ADGRL4: variants seen among roughly 807,000 people sequenced by gnomAD.
ADGRL4 encodes EGF, latrophilin and seven transmembrane domain containing 1.
In ADGRL4, 90 loss-of-function variants were observed where a neutral mutation model predicts 74.8. The ratio of observed to expected loss-of-function variants is 1.20; its 90% CI spans 1.02 to 1.43. ADGRL4 has a LOEUF of 1.43. Among genes scored for constraint, ADGRL4 ranks in the 40% most tolerant of loss-of-function variants. The pLI is 0.00. For synonymous variants in ADGRL4, 311 were observed against 279.2 expected (o/e 1.11, Z -1.14); for missense variants, 881 against 814.3 (o/e 1.08, Z -1.00).
chr1:78,951,017 A>G (rs1270445641), intron 2 of ADGRL4, among the ~76,000 whole-genome samples: 1 of 152,174 alleles, frequency 6.6e-6, no homozygotes, highest in African/African-American at 2.4e-5. Flanking sequence ...CATGAGAGAA[A>G]GCTCACGACT....
chr1:78,951,518 G>A (rs536717631), intron 2 of ADGRL4, among the ~76,000 whole-genome samples: 1 of 152,168 alleles, frequency 6.6e-6, no homozygotes, highest in Admixed American at 6.5e-5. Context: ...TGTTGTTGAT[G>A]GTTATCTACT....
intron 3 of ADGRL4, among the ~76,000 whole-genome samples, chr1:78,945,177 A>AAATATAT (rs376405445): frequency 6.3e-5 from 8 of 127,936 alleles, no homozygotes; most frequent in African/African-American, 8.8e-5. Flanking sequence ...AAAAAAAAAA[A>AAATATAT]ATATATATAT....
At chr1:78,971,526 C>T (rs1650165936) in intron 2 of ADGRL4, among the ~76,000 whole-genome samples, 1 of 152,064 alleles carries the variant, frequency 6.6e-6, no homozygotes, top group Non-Finnish European at 1.5e-5. Context: ...ATTCAATCGG[C>T]AAGGCAGGAA....
At chr1:78,942,184 A>T in intron 3 of ADGRL4, among the ~76,000 whole-genome samples, 1 of 125,066 alleles carries the variant, frequency 8.0e-6, no homozygotes. Context: ...AAAAAAAAAA[A>T]AAAAAAAAAA....
At chr1:78,905,033 G>A (rs1399577751) in intron 12 of ADGRL4, among the ~76,000 whole-genome samples, 2 of 151,918 alleles carry the variant, frequency 1.3e-5, no homozygotes, top group African/African-American at 4.8e-5. Context: ...GGTTTCAATG[G>A]ACCTGTCAAT....
In ADGRL4 at chr1:78,936,252, C is replaced by A. The variant is rs755953215; in HGVS notation, c.877+43G>T. The A allele has an allele frequency of 3.9e-6, 6 of 1,550,662 alleles. No individual in the cohort carries two copies. In the African/African-American group the frequency reaches 4.2e-5, roughly 11 times the overall value. On this transcript the variant is annotated intron_variant, in intron 7 of 14. Transcript: ENST00000370742. ...TCAAATGCATGATAAATATTTATTG[C>A]AAATTCATTGATATATTGTCTGTTA...
rs557779050 is a variant in ADGRL4, at chr1:78,901,125, A to T, written c.1750-7936T>A. Among the ~76,000 whole-genome samples, 3 of 152,330 alleles carry T rather than the reference A, an allele frequency of 2.0e-5. No homozygotes were observed. In the South Asian group the frequency reaches 6.2e-4, roughly 32 times the overall value. ...ACCAGTATCTTGGTTCCAAATATTA[A>T]TATTAATTCCATGCAATATTTGGGG... On this transcript the variant is annotated intron_variant, in intron 12 of 14. Coordinates refer to ENST00000370742, the MANE Select transcript of ADGRL4 (RefSeq NM_022159.4).
chr1:78,927,471 G>A (rs1283275169), intron 7 of ADGRL4, among the ~76,000 whole-genome samples: 1 of 152,070 alleles, frequency 6.6e-6, no homozygotes, highest in African/African-American at 2.4e-5. Context: ...AACTTAAGAG[G>A]TATTGGGAGG....
chr1:78,969,115 A>G (rs908329342), intron 2 of ADGRL4, among the ~76,000 whole-genome samples: 1 of 152,182 alleles, frequency 6.6e-6, no homozygotes, highest in African/African-American at 2.4e-5. Flanking sequence ...TAATTGAGTA[A>G]GGTATATTCC....
intron 3 of ADGRL4, among the ~76,000 whole-genome samples, chr1:78,940,218 C>T (rs1312553770): frequency 5.9e-5 from 9 of 152,064 alleles, no homozygotes; most frequent in Admixed American, 5.2e-4. Flanking sequence ...AAAAGAGCGA[C>T]CTGATTTCTT....
At chr1:78,973,698 T>G (rs1570265207) in intron 2 of ADGRL4, among the ~76,000 whole-genome samples, 1 of 150,504 alleles carries the variant, frequency 6.6e-6, no homozygotes, top group Admixed American at 6.7e-5. Context: ...GATACAATTT[T>G]TCAGCAAATT....
At chr1:78,993,052 AAAT>A (rs1650639824) in intron 2 of ADGRL4, among the ~76,000 whole-genome samples, 1 of 152,140 alleles carries the variant, frequency 6.6e-6, no homozygotes, top group South Asian at 2.1e-4. Flanking sequence ...AACAGTAGAA[AAAT>A]AATATTTTCT....
chr1:78,925,667 T>C (rs561278574), intron 8 of ADGRL4, among the ~76,000 whole-genome samples: 1 of 152,176 alleles, frequency 6.6e-6, no homozygotes, highest in East Asian at 1.9e-4. Context: ...TCATTACTTA[T>C]TGAATGGAAA....
chr1:78,938,240 C>T lies in ADGRL4; in HGVS notation c.436G>A (p.Val146Ile). The T allele has an allele frequency of 2.5e-6, 4 of 1,606,452 alleles. No individual in the cohort carries two copies. The highest frequency in any genetic ancestry group is 3.4e-6 in the Non-Finnish European group (4 of 1,178,240). Residue 146 changes from valine (V) to isoleucine (I), a missense_variant, in exon 5 of 15, where the codon GTC becomes ATC. Transcript: ENST00000370742. ...AGATCTGTCACAGAATTTCTATAGACTTCTTGTAGCAAAGCCACAGGTTCT... is the reference window on the plus strand; with the variant it reads ...AGATCTGTCACAGAATTTCTATAGATTTCTTGTAGCAAAGCCACAGGTTCT... Reference protein sequence around the residue: ...IKEPVALLQEVYRNSVTDLSP... With the variant: ...IKEPVALLQEIYRNSVTDLSP...
At chr1:78,925,757 G>A (rs970714745) in intron 8 of ADGRL4, among the ~76,000 whole-genome samples, 7 of 151,970 alleles carry the variant, frequency 4.6e-5, no homozygotes, top group African/African-American at 7.2e-5. Flanking sequence ...TTAAATACGC[G>A]TTTTGTTTTG....
At chr1:78,910,409 G>A (rs904866110) in intron 12 of ADGRL4, among the ~76,000 whole-genome samples, 3 of 151,760 alleles carry the variant, frequency 2.0e-5, no homozygotes, top group South Asian at 4.1e-4. Context: ...GGTAAGAGTA[G>A]TGATACAGCA....
chr1:78,993,534 G>A (rs1465821140), intron 2 of ADGRL4, among the ~76,000 whole-genome samples: 1 of 151,214 alleles, frequency 6.6e-6, no homozygotes, highest in African/African-American at 2.4e-5. Context: ...TAATTAAAAA[G>A]AACTTAAAGT....
intron 8 of ADGRL4, among the ~76,000 whole-genome samples, chr1:78,925,742 T>A (rs993829993): frequency 3.9e-5 from 6 of 152,068 alleles, no homozygotes; most frequent in African/African-American, 1.4e-4. Context: ...GTGAAGAGTT[T>A]TTGTTTAAAT....
At chr1:78,917,181 A>G (rs546385189) in intron 12 of ADGRL4, among the ~76,000 whole-genome samples, 27 of 151,990 alleles carry the variant, frequency 1.8e-4, no homozygotes, top group Middle Eastern at 3.4e-3. Flanking sequence ...AAGATGACCG[A>G]TCATCGATAA....
Sources: allele counts gnomAD v4.1 joint callset (sites outside exome capture counted in the v4.1 genomes callset), GRCh38; gene constraint gnomAD v4.1.1; transcripts MANE v1.5; gene names NCBI Gene and HGNC (gene_info 2026-07-23, HGNC 2026-07-21).